The following EPHA3 variants were observed in gnomAD, a reference collection of about 807,000 sequenced individuals.
EPHA3 encodes ephrin type-A receptor 3.
In EPHA3, 42 loss-of-function variants were observed where a neutral mutation model predicts 107.1. The ratio of observed to expected loss-of-function variants is 0.39; its 90% CI spans 0.31 to 0.51. The LOEUF (loss-of-function observed/expected upper bound fraction) is 0.51. Ranked by LOEUF, EPHA3 falls within the 20% of genes least tolerant of loss-of-function variation. The pLI is 0.78. For synonymous variants in EPHA3, 461 were observed against 424.8 expected (o/e 1.09, Z -1.05); for missense variants, 1,183 against 1,211.2 (o/e 0.98, Z 0.35).
intron 7 of EPHA3, among the ~76,000 whole-genome samples, chr3:89,400,932 A>T (rs1275612329): frequency 1.3e-5 from 2 of 152,200 alleles, no homozygotes; most frequent in Admixed American, 1.3e-4. Context: ...GAAAGGTCTG[A>T]CAATGCTCAA....
intron 16 of EPHA3, among the ~76,000 whole-genome samples, chr3:89,476,854 C>A (rs901611554): frequency 6.6e-6 from 1 of 151,724 alleles, no homozygotes; most frequent in Non-Finnish European, 1.5e-5. Context: ...GTGATTCACC[C>A]GCCTCGGCCT....
intron 3 of EPHA3, among the ~76,000 whole-genome samples, chr3:89,330,637 T>A (rs1277964714): frequency 6.6e-6 from 1 of 152,122 alleles, no homozygotes; most frequent in South Asian, 2.1e-4. Flanking sequence ...TAAAATGCAA[T>A]GATGTCACCA....
chr3:89,422,627 A>G (rs1405661309), intron 11 of EPHA3, among the ~76,000 whole-genome samples: 1 of 151,464 alleles, frequency 6.6e-6, no homozygotes, highest in Non-Finnish European at 1.5e-5. Flanking sequence ...GTGGCAAAGA[A>G]CTGTGCAAAT....
intron 3 of EPHA3, among the ~76,000 whole-genome samples, chr3:89,263,468 G>A (rs1056487953): frequency 6.6e-6 from 1 of 152,146 alleles, no homozygotes; most frequent in African/African-American, 2.4e-5. Context: ...ACGAATTGAA[G>A]GATGGTAAAT....
At chr3:89,333,609 C>A (rs1479090088) in intron 3 of EPHA3, among the ~76,000 whole-genome samples, 2 of 152,172 alleles carry the variant, frequency 1.3e-5, no homozygotes, top group South Asian at 4.1e-4. Flanking sequence ...CAGGGTGGCT[C>A]ATGCCTGTAA....
Position 89,449,212 on chromosome 3 carries a change from T to A in EPHA3, c.2347-13T>A, listed in dbSNP as rs368134710. The A allele has an allele frequency of 6.3e-7, 1 of 1,598,800 alleles. No homozygotes were observed. Among genetic ancestry groups the A allele is most frequent in the African/African-American group, 1.3e-5 (1 of 74,774 alleles). On this transcript the variant is annotated splice_polypyrimidine_tract_variant and intron_variant, in intron 13 of 16. Coordinates refer to ENST00000336596, the MANE Select transcript of EPHA3 (RefSeq NM_005233.6). The stretch of plus-strand genomic sequence containing the variant: ...CATTGCTGATTTATGTAGACATGAT[T>A]TTATATTCAAAGGGAGGGAAGATCC...
chr3:89,201,716 G>A (rs913324561), intron 2 of EPHA3, among the ~76,000 whole-genome samples: 18 of 152,164 alleles, frequency 1.2e-4, no homozygotes, highest in African/African-American at 4.1e-4. Flanking sequence ...TATTAGAAGT[G>A]CTTCGAGTGT....
At chr3:89,358,195 C>CTTTA (rs1708008326) in intron 5 of EPHA3, among the ~76,000 whole-genome samples, 1 of 150,920 alleles carries the variant, frequency 6.6e-6, no homozygotes, top group Non-Finnish European at 1.5e-5. Context: ...ACCATCTCAT[C>CTTTA]TGTTAAATAA....
chr3:89,354,245 A>G (rs1184031511), intron 5 of EPHA3, among the ~76,000 whole-genome samples: 1 of 151,340 alleles, frequency 6.6e-6, no homozygotes, highest in African/African-American at 2.4e-5. Context: ...ATATAATAGC[A>G]TCGTATGTGA....
At chr3:89,315,535 A>C (rs1388185759) in intron 3 of EPHA3, among the ~76,000 whole-genome samples, 1 of 151,692 alleles carries the variant, frequency 6.6e-6, no homozygotes, top group African/African-American at 2.4e-5. Context: ...TTTTAGGAGA[A>C]TCTTCCCTAA....
At chr3:89,220,872 T>C (rs1274586985) in intron 3 of EPHA3, among the ~76,000 whole-genome samples, 6 of 152,222 alleles carry the variant, frequency 3.9e-5, no homozygotes. Context: ...CTGTTTCTTT[T>C]AAAAATAGCC....
chr3:89,143,887 T>C (rs1704482947), intron 2 of EPHA3, among the ~76,000 whole-genome samples: 1 of 151,608 alleles, frequency 6.6e-6, no homozygotes, highest in Admixed American at 6.6e-5. Context: ...ACATATCATT[T>C]TGTCATCAGT....
intron 3 of EPHA3, among the ~76,000 whole-genome samples, chr3:89,241,240 G>A (rs956066113): frequency 7.2e-5 from 11 of 151,848 alleles, no homozygotes; most frequent in South Asian, 2.1e-4. Flanking sequence ...TATTTTACTC[G>A]AAACCCAATT....
At chr3:89,172,377 G>C (rs565539106) in intron 2 of EPHA3, among the ~76,000 whole-genome samples, 1 of 152,256 alleles carries the variant, frequency 6.6e-6, no homozygotes, top group African/African-American at 2.4e-5. Flanking sequence ...GGAAAGACCA[G>C]CCTAGGCAGC....
At chr3:89,375,176 C>T (rs964525394) in intron 5 of EPHA3, among the ~76,000 whole-genome samples, 5 of 151,756 alleles carry the variant, frequency 3.3e-5, no homozygotes, top group African/African-American at 1.2e-4. Flanking sequence ...CAGTGACACA[C>T]AATGAGCCAT....
intron 3 of EPHA3, among the ~76,000 whole-genome samples, chr3:89,271,370 A>G (rs1289691256): frequency 6.6e-6 from 1 of 152,034 alleles, no homozygotes; most frequent in Non-Finnish European, 1.5e-5. Context: ...AAAGTTAGGT[A>G]TATTTCTGAA....
intron 2 of EPHA3, among the ~76,000 whole-genome samples, chr3:89,137,294 C>A (rs1436874039): frequency 6.6e-6 from 1 of 151,902 alleles, no homozygotes; most frequent in Non-Finnish European, 1.5e-5. Flanking sequence ...TCAACTGTTT[C>A]ATTCCATTAC....
At chr3:89,151,593 C>A (rs1412338999) in intron 2 of EPHA3, among the ~76,000 whole-genome samples, 1 of 151,954 alleles carries the variant, frequency 6.6e-6, no homozygotes, top group Non-Finnish European at 1.5e-5. Flanking sequence ...GTGCCAGCTG[C>A]CTATTTCAGT....
chr3:89,428,877 C>T (rs187041285), intron 11 of EPHA3, among the ~76,000 whole-genome samples: 39 of 152,192 alleles, frequency 2.6e-4, no homozygotes, highest in Admixed American at 2.0e-3. Flanking sequence ...AATTTAGATG[C>T]TATTGGTCAT....
Sources: gnomAD v4.1 joint callset for allele counts (sites outside exome capture counted in the v4.1 genomes callset) on GRCh38, gnomAD v4.1.1 for gene constraint, MANE v1.5 for transcripts, NCBI Gene and HGNC (gene_info 2026-07-23, HGNC 2026-07-21) for gene names.